Variants in ADAMTS17 observed in about 807,000 individuals in gnomAD.
The protein encoded by ADAMTS17 is A disintegrin and metalloproteinase with thrombospondin motifs 17.
Under a neutral mutation model 141.5 loss-of-function variants are expected in ADAMTS17, and 113 were observed. That is an observed-to-expected ratio of 0.80 (90% confidence interval 0.69 to 0.93). ADAMTS17 has a LOEUF of 0.93. ADAMTS17 is among the 40% of genes least tolerant of loss of function. ADAMTS17 has a pLI of 0.00. For missense variants in ADAMTS17, 1,659 were observed against 1,517.9 expected, an observed-to-expected ratio of 1.09 and a Z score of -1.54; for synonymous variants, 768 against 630.6, an observed-to-expected ratio of 1.22 and a Z score of -3.27.
chr15:100,339,075 C>T (rs377691507), intron 2 of ADAMTS17: 6 of 985,332 alleles, frequency 6.1e-6, no homozygotes, highest in East Asian at 1.1e-4. Flanking sequence ...GTGTCTGCTC[C>T]GGCAGGAATT....
intron 15 of ADAMTS17, among the ~76,000 whole-genome samples, chr15:100,068,308 T>C (rs2033703554): frequency 2.0e-5 from 3 of 151,916 alleles, no homozygotes; most frequent in South Asian, 4.2e-4. Flanking sequence ...CCTTCCTCTG[T>C]AGACTCCACC....
intron 8 of ADAMTS17, among the ~76,000 whole-genome samples, chr15:100,170,202 C>T (rs565359151): frequency 6.6e-6 from 1 of 152,278 alleles, no homozygotes; most frequent in East Asian, 1.9e-4. Flanking sequence ...CCGTCCTCCC[C>T]TTTTAGTTAC....
At chr15:100,117,088 G>C (rs2037184195) in intron 12 of ADAMTS17, 75 bp from the exon 13 acceptor site, 6 of 1,514,010 alleles carry the variant, frequency 4.0e-6, no homozygotes, top group Non-Finnish European at 5.3e-6. Flanking sequence ...CGTCTCTCTT[G>C]CCAGGGGGAG....
chr15:100,296,137 A>C (rs1247499202), intron 3 of ADAMTS17, among the ~76,000 whole-genome samples: 1 of 152,132 alleles, frequency 6.6e-6, no homozygotes, highest in African/African-American at 2.4e-5. Context: ...TCGAGAAGGA[A>C]ACCCAAGCCA....
chr15:100,260,392 T>C (rs1211121372), intron 6 of ADAMTS17, among the ~76,000 whole-genome samples: 1 of 151,968 alleles, frequency 6.6e-6, no homozygotes, highest in Non-Finnish European at 1.5e-5. Context: ...GGCGGGCAGA[T>C]TACCTGAGGT....
At chr15:100,295,763 G>A (rs1357510810) in intron 3 of ADAMTS17, among the ~76,000 whole-genome samples, 4 of 152,130 alleles carry the variant, frequency 2.6e-5, no homozygotes, top group African/African-American at 9.7e-5. Flanking sequence ...GAAATACCTA[G>A]CATGGTTCCA....
intron 20 of ADAMTS17, among the ~76,000 whole-genome samples, chr15:99,985,924 T>C (rs1426969970): frequency 1.3e-5 from 2 of 152,238 alleles, no homozygotes; most frequent in African/African-American, 4.8e-5. Context: ...GCAGGGGCTG[T>C]CTGGATCCCA....
At chr15:100,005,991 A>C (rs1435046895) in intron 18 of ADAMTS17, among the ~76,000 whole-genome samples, 1 of 151,674 alleles carries the variant, frequency 6.6e-6, no homozygotes, top group Non-Finnish European at 1.5e-5. Context: ...GCATCTTCCC[A>C]CAGTGTCCTC....
At chr15:100,104,706 TGTA>T (rs2036314314) in intron 14 of ADAMTS17, among the ~76,000 whole-genome samples, 1 of 152,226 alleles carries the variant, frequency 6.6e-6, no homozygotes. Flanking sequence ...TTTAATCGGT[TGTA>T]ATTAGACAAT....
At chr15:100,222,865 G>A (rs1417066700) in intron 7 of ADAMTS17, among the ~76,000 whole-genome samples, 1 of 147,862 alleles carries the variant, frequency 6.8e-6, no homozygotes, top group Non-Finnish European at 1.5e-5. Context: ...GGAAGCCTAA[G>A]GGGGAGGCAG....
rs745526342 is a variant in ADAMTS17 at position 100,007,987 on chromosome 15, T to C, written c.2592-10398A>G. Among the ~76,000 whole-genome samples the C allele has an allele frequency of 5.3e-5, 8 of 152,014 alleles. No individual in the cohort carries two copies. In the South Asian group the frequency reaches 8.3e-4, roughly 16 times the overall value. ...AGATGCAGAGGGGGTGACCGCCAGG[T>C]CAGGGATGCCGGGAAGGGACTGCAC... On this transcript the variant is annotated intron_variant, in intron 18 of 21. Coordinates refer to ENST00000268070, the MANE Select transcript of ADAMTS17 (RefSeq NM_139057.4).
intron 10 of ADAMTS17, among the ~76,000 whole-genome samples, chr15:100,149,292 G>T (rs729478): frequency 1.4e-4 from 21 of 152,194 alleles, no homozygotes; most frequent in African/African-American, 4.8e-4. Context: ...GGAAGCATCT[G>T]GTCTTCTGCA....
At chr15:100,303,028 T>C (rs965022014) in intron 3 of ADAMTS17, among the ~76,000 whole-genome samples, 2 of 151,318 alleles carry the variant, frequency 1.3e-5, no homozygotes, top group African/African-American at 2.4e-5. Context: ...CCTTACTCCA[T>C]AGCCTGCAGA....
intron 7 of ADAMTS17, among the ~76,000 whole-genome samples, chr15:100,253,259 T>C (rs2043208985): frequency 6.7e-6 from 1 of 148,842 alleles, no homozygotes; most frequent in Non-Finnish European, 1.5e-5. Context: ...GTGCAAAGAA[T>C]GGTTTCCATT....
At chr15:100,229,376 T>C (rs1779177468) in intron 7 of ADAMTS17, among the ~76,000 whole-genome samples, 1 of 151,778 alleles carries the variant, frequency 6.6e-6, no homozygotes, top group Non-Finnish European at 1.5e-5. Flanking sequence ...AACATGAGTG[T>C]TGCTGATGCC....
chr15:100,330,854 T>C (rs368037981), intron 3 of ADAMTS17, 35 bp downstream of exon 3: 128 of 1,609,686 alleles, frequency 8.0e-5, no homozygotes, highest in Non-Finnish European at 1.0e-4. Flanking sequence ...GCTGTGCGTG[T>C]GTTCTAAGCT....
At chr15:100,280,567 G>T (rs4965624) in intron 4 of ADAMTS17, among the ~76,000 whole-genome samples, 78,827 of 151,718 alleles carry the variant, frequency 0.52, 21,095 homozygotes, top group South Asian at 0.66. Context: ...TGCCTGGCCC[G>T]CCCTCCCTCA....
intron 12 of ADAMTS17, chr15:100,129,250 C>T (rs2037908314): frequency 6.6e-6 from 1 of 152,244 alleles, no homozygotes. Flanking sequence ...CCATGACAAC[C>T]ACAATCCCTG....
At chr15:100,076,677 T>C (rs1399122421) in intron 15 of ADAMTS17, among the ~76,000 whole-genome samples, 1 of 152,222 alleles carries the variant, frequency 6.6e-6, no homozygotes, top group Non-Finnish European at 1.5e-5. Context: ...TTTATTGATA[T>C]CAGTGTGTTC....
Sources: gnomAD v4.1 joint callset for allele counts (sites outside exome capture counted in the v4.1 genomes callset) on GRCh38, gnomAD v4.1.1 for gene constraint, MANE v1.5 for transcripts, NCBI Gene and HGNC (gene_info 2026-07-23, HGNC 2026-07-21) for gene names.